CASD1: variants seen among roughly 807,000 people sequenced by gnomAD.
CASD1 encodes N-acetylneuraminate (7)9-O-acetyltransferase.
CASD1 carries 41 observed loss-of-function variants against 100.0 expected under a neutral mutation model. The observed-to-expected ratio is 0.41, with a 90% CI of 0.32 to 0.53. CASD1 has a LOEUF of 0.53. CASD1 is among the 20% of genes least tolerant of loss of function. The probability of loss-of-function intolerance (pLI) is 0.25; values close to 1 mark genes in which losing one functional copy is unlikely to be tolerated. For missense variants in CASD1, 774 were observed against 948.7 expected (o/e 0.82, Z 2.42); for synonymous variants, 321 against 315.6 (o/e 1.02, Z -0.18).
At chr7:94,578,041 G>A in the CASD1 span, among the ~76,000 whole-genome samples, 1 of 152,146 alleles carries the variant, frequency 6.6e-6, no homozygotes, top group South Asian at 2.1e-4. Context: ...AAAGTGCCAT[G>A]AAGCTTGCCG....
downstream of CASD1, among the ~76,000 whole-genome samples, chr7:94,559,266 GTATATATGTC>G (rs1420210988): frequency 2.2e-5 from 3 of 136,022 alleles, no homozygotes; most frequent in East Asian, 6.2e-4. Context: ...CCCAAATTCT[GTATATATGTC>G]TGTGTGTGTG....
the CASD1 span, chr7:94,629,470 A>C: frequency 2.0e-5 from 8 of 406,600 alleles, no homozygotes; most frequent in Non-Finnish European, 3.2e-5. Context: ...TAGGTAGATC[A>C]CTTGTCAGAG....
intron 3 of CASD1, among the ~76,000 whole-genome samples, chr7:94,522,543 G>A (rs1794334348): frequency 6.6e-6 from 1 of 152,166 alleles, no homozygotes; most frequent in Admixed American, 6.5e-5. Context: ...TAAACATATA[G>A]TAGAGCATTA....
chr7:94,596,494 C>G, the CASD1 span, among the ~76,000 whole-genome samples: 1 of 152,138 alleles, frequency 6.6e-6, no homozygotes, highest in African/African-American at 2.4e-5. Context: ...AGAAGCATTT[C>G]TCAAACTGTG....
chr7:94,552,025 TA>T (rs1346756155), intron 15 of CASD1: 7 of 235,382 alleles, frequency 3.0e-5, no homozygotes, highest in African/African-American at 6.9e-5. Flanking sequence ...AGAGCTCAAT[TA>T]AACGGGAATT....
At chr7:94,523,355 A>G (rs1259330482) in intron 3 of CASD1, among the ~76,000 whole-genome samples, 1 of 152,254 alleles carries the variant, frequency 6.6e-6, no homozygotes, top group Non-Finnish European at 1.5e-5. Flanking sequence ...TAAGATGTAC[A>G]TACAAAAATT....
chr7:94,627,521 T>C, the CASD1 span: 1 of 152,202 alleles, frequency 6.6e-6, no homozygotes, highest in Non-Finnish European at 1.5e-5. Context: ...CCTACTAGGG[T>C]ACATCCTATT....
chr7:94,578,445 A>G, the CASD1 span, among the ~76,000 whole-genome samples: 6 of 152,192 alleles, frequency 3.9e-5, no homozygotes, highest in Non-Finnish European at 8.8e-5. Flanking sequence ...TACCTAGCCC[A>G]ACTGCCTGTA....
chr7:94,569,431 G>GA, the CASD1 span, among the ~76,000 whole-genome samples: 235 of 151,548 alleles, frequency 1.6e-3, 1 homozygote, highest in African/African-American at 5.1e-3. Context: ...ATTGCTAAGT[G>GA]AAAAAAAAAT....
the CASD1 span, among the ~76,000 whole-genome samples, chr7:94,607,958 C>T: frequency 1.3e-5 from 2 of 152,174 alleles, no homozygotes; most frequent in East Asian, 1.9e-4. Flanking sequence ...CATCAAAATA[C>T]ATGAGGCAAG....
the CASD1 span, among the ~76,000 whole-genome samples, chr7:94,563,177 G>T: frequency 1.3e-5 from 2 of 152,094 alleles, no homozygotes. Context: ...GTAGCAAGAA[G>T]GGACATGGAA....
At position 94,549,616 on chromosome 7, in the gene CASD1, A is replaced by G; in HGVS notation, c.1797A>G (p.Arg599=). 6.2e-7 allele frequency: 1 copy of G among 1,607,770 alleles called. No homozygotes were observed. The highest frequency in any genetic ancestry group is 8.5e-7 in the Non-Finnish European group (1 of 1,176,220). The change falls in exon 14 of 18, where the codon AGA becomes AGG. Residue 599 remains arginine (R), a synonymous_variant. Coordinates refer to ENST00000297273, the MANE Select transcript of CASD1 (RefSeq NM_022900.5). ...LKGNVYEWWF[R]WRLDRYVVFH... ...GGAATGTATATGAATGGTGGTTCAG[A>G]TGGAGGTTAGACCGTTATGTATGTA...
chr7:94,519,636 A>G (rs1217056536), intron 3 of CASD1, among the ~76,000 whole-genome samples: 2 of 152,238 alleles, frequency 1.3e-5, no homozygotes, highest in African/African-American at 4.8e-5. Context: ...TACAATTTAA[A>G]GTGAAAAATT....
chr7:94,513,208 C>T (rs746547701), intron 1 of CASD1, among the ~76,000 whole-genome samples: 1 of 151,240 alleles, frequency 6.6e-6, no homozygotes, highest in Non-Finnish European at 1.5e-5. Flanking sequence ...CACCTGAATC[C>T]CAGCTGCTCA....
chr7:94,593,599 T>C, the CASD1 span, among the ~76,000 whole-genome samples: 1 of 152,036 alleles, frequency 6.6e-6, no homozygotes, highest in Non-Finnish European at 1.5e-5. Context: ...TCAATGGCTT[T>C]TAGCTGTTCC....
At chr7:94,516,428 G>T (rs1770402041) in intron 1 of CASD1, among the ~76,000 whole-genome samples, 1 of 152,018 alleles carries the variant, frequency 6.6e-6, no homozygotes. Flanking sequence ...AAATATCTTT[G>T]TGTCTTCCTT....
intron 10 of CASD1, among the ~76,000 whole-genome samples, chr7:94,541,732 G>A (rs1795413569): frequency 6.6e-6 from 1 of 151,542 alleles, no homozygotes; most frequent in African/African-American, 2.4e-5. Context: ...TTTGTTGTAG[G>A]TAATACAGCA....
chr7:94,531,451 A>T (rs765983370), intron 5 of CASD1, among the ~76,000 whole-genome samples: 1 of 152,152 alleles, frequency 6.6e-6, no homozygotes, highest in African/African-American at 2.4e-5. Context: ...AAGTTTGAGA[A>T]TTAAACTTTA....
the CASD1 span, among the ~76,000 whole-genome samples, chr7:94,613,775 T>C: frequency 2.6e-5 from 4 of 152,292 alleles, no homozygotes; most frequent in Admixed American, 6.5e-5. Flanking sequence ...ATATAGAAGA[T>C]AAAAGACAGT....
Sources: allele counts gnomAD v4.1 joint callset (sites outside exome capture counted in the v4.1 genomes callset), GRCh38; gene constraint gnomAD v4.1.1; transcripts MANE v1.5; gene names NCBI Gene and HGNC (gene_info 2026-07-23, HGNC 2026-07-21).